ZFHX3: variants seen among roughly 807,000 people sequenced by gnomAD.
ZFHX3 encodes zinc finger homeobox 3.
Under a neutral mutation model 279.1 loss-of-function variants are expected in ZFHX3, and 42 were observed. That is an observed-to-expected ratio of 0.15 (90% CI 0.12 to 0.19). The LOEUF is 0.19. ZFHX3 is among the 10% of genes least tolerant of loss of function. ZFHX3 has a pLI of 1.00. For synonymous variants in ZFHX3, 2,293 were observed against 1,957.8 expected (o/e 1.17, Z -4.52); for missense variants, 4,981 against 4,754.0 (o/e 1.05, Z -1.40).
intron 2 of ZFHX3, among the ~76,000 whole-genome samples, chr16:73,531,588 G>A (rs766435492): frequency 1.9e-4 from 29 of 151,390 alleles, no homozygotes; most frequent in Non-Finnish European, 3.5e-4. Context: ...GGCAGCACAC[G>A]CCTATTGTCC....
At chr16:73,503,490 C>G (rs2019273325) in intron 2 of ZFHX3, among the ~76,000 whole-genome samples, 1 of 152,170 alleles carries the variant, frequency 6.6e-6, no homozygotes, top group Non-Finnish European at 1.5e-5. Flanking sequence ...GGGGGTGGTA[C>G]TCCATGGCGG....
intron 6 of ZFHX3, among the ~76,000 whole-genome samples, chr16:73,140,127 C>T (rs529077628): frequency 6.6e-6 from 1 of 152,006 alleles, no homozygotes. Flanking sequence ...ATTAGCTGGG[C>T]ATGGTGGGCA....
intron 1 of ZFHX3, among the ~76,000 whole-genome samples, chr16:73,685,050 C>T (rs1353326625): frequency 6.9e-6 from 1 of 145,704 alleles, no homozygotes; most frequent in Non-Finnish European, 1.5e-5. Context: ...GAGTCTCACT[C>T]TGTCGCCAGG....
chr16:73,702,373 G>A (rs1226266023), intron 1 of ZFHX3, among the ~76,000 whole-genome samples: 1 of 152,180 alleles, frequency 6.6e-6, no homozygotes. Context: ...ACACACGGCA[G>A]ACAATCCTGA....
intron 1 of ZFHX3, among the ~76,000 whole-genome samples, chr16:73,054,020 G>A (rs939052616): frequency 1.3e-5 from 2 of 151,858 alleles, no homozygotes; most frequent in African/African-American, 2.4e-5. Context: ...ATGGAGGGAG[G>A]GGGGAGGAAA....
At chr16:73,544,389 G>T (rs1375830363) in intron 2 of ZFHX3, among the ~76,000 whole-genome samples, 5 of 152,174 alleles carry the variant, frequency 3.3e-5, no homozygotes, top group Admixed American at 2.0e-4. Context: ...ACGTTTAAAA[G>T]CCCACCAATC....
intron 3 of ZFHX3, among the ~76,000 whole-genome samples, chr16:73,359,256 A>G (rs1353445872): frequency 6.6e-6 from 1 of 151,866 alleles, no homozygotes. Context: ...TACCTAGGCA[A>G]GAAAGATTAT....
At chr16:73,102,102 C>G (rs1230762189) in intron 7 of ZFHX3, among the ~76,000 whole-genome samples, 2 of 150,920 alleles carry the variant, frequency 1.3e-5, no homozygotes, top group African/African-American at 4.9e-5. Flanking sequence ...TTAGTAGAGA[C>G]GAGGTTTTAC....
At chr16:73,358,203 G>A (rs1023872274) in intron 3 of ZFHX3, among the ~76,000 whole-genome samples, 5 of 152,204 alleles carry the variant, frequency 3.3e-5, no homozygotes, top group African/African-American at 9.7e-5. Context: ...TCCACTCCCT[G>A]GCATCTGCAC....
intron 7 of ZFHX3, among the ~76,000 whole-genome samples, chr16:73,111,638 G>C (rs1966375150): frequency 7.6e-6 from 1 of 132,006 alleles, no homozygotes; most frequent in South Asian, 2.5e-4. Flanking sequence ...AGAAAGAAGA[G>C]AGAGAAAGAG....
intron 4 of ZFHX3, among the ~76,000 whole-genome samples, chr16:73,292,853 G>C (rs1276495890): frequency 6.6e-6 from 1 of 152,192 alleles, no homozygotes; most frequent in Non-Finnish European, 1.5e-5. Context: ...AAGCTAGGAG[G>C]TATTCCTCGG....
chr16:73,462,763 T>C (rs1396066365), intron 2 of ZFHX3, among the ~76,000 whole-genome samples: 2 of 152,218 alleles, frequency 1.3e-5, no homozygotes, highest in African/African-American at 4.8e-5. Context: ...CTATAATAAA[T>C]GCCACTGAGT....
intron 3 of ZFHX3, among the ~76,000 whole-genome samples, chr16:72,899,995 T>A (rs1274498566): frequency 1.3e-5 from 2 of 152,022 alleles, no homozygotes; most frequent in Non-Finnish European, 2.9e-5. Context: ...AAGAAACTGA[T>A]ATATAGGAAT....
chr16:72,930,834 T>G (rs898906814), intron 3 of ZFHX3, among the ~76,000 whole-genome samples: 2 of 152,204 alleles, frequency 1.3e-5, no homozygotes, highest in Admixed American at 1.3e-4. Flanking sequence ...GACTTGTATA[T>G]GACAGTCATA....
chr16:73,515,383 G>C (rs2019501833), intron 2 of ZFHX3, among the ~76,000 whole-genome samples: 3 of 152,000 alleles, frequency 2.0e-5, no homozygotes, highest in Non-Finnish European at 4.4e-5. Flanking sequence ...GTGCCAATGT[G>C]GTAGGGCTTA....
intron 1 of ZFHX3, among the ~76,000 whole-genome samples, chr16:72,989,003 C>G (rs1183703950): frequency 6.6e-6 from 1 of 151,590 alleles, no homozygotes; most frequent in African/African-American, 2.4e-5. Context: ...TAGGGAGACC[C>G]CATCTCTACA....
At chr16:73,316,638 G>T (rs1315409631) in intron 4 of ZFHX3, among the ~76,000 whole-genome samples, 1 of 151,934 alleles carries the variant, frequency 6.6e-6, no homozygotes, top group Non-Finnish European at 1.5e-5. Flanking sequence ...TACTTGTTGG[G>T]AATCCCCCAC....
chr16:73,033,413 C>A (rs2144681980), intron 1 of ZFHX3, among the ~76,000 whole-genome samples: 1 of 152,342 alleles, frequency 6.6e-6, no homozygotes, highest in Admixed American at 6.5e-5. Context: ...CGCCGCCCCC[C>A]AGCACTGGGT....
intron 2 of ZFHX3, among the ~76,000 whole-genome samples, chr16:73,462,541 G>A (rs967440691): frequency 3.9e-5 from 6 of 152,094 alleles, no homozygotes; most frequent in Admixed American, 2.0e-4. Flanking sequence ...TATAACACTA[G>A]CTGTAGGTTT....
Sources: gnomAD v4.1 joint callset for allele counts (sites outside exome capture counted in the v4.1 genomes callset) on GRCh38, gnomAD v4.1.1 for gene constraint, MANE v1.5 for transcripts, NCBI Gene and HGNC (gene_info 2026-07-23, HGNC 2026-07-21) for gene names.